Variants in CWC27 observed in about 807,000 individuals in gnomAD.
CWC27 encodes the protein CWC27 spliceosome associated cyclophilin, also known as spliceosome-associated protein CWC27 homolog.
CWC27 carries 47 observed loss-of-function variants against 63.6 expected under a neutral mutation model. The observed-to-expected ratio is 0.74, with a 90% CI of 0.58 to 0.94. CWC27 has a LOEUF of 0.94. Among genes scored for constraint, CWC27 ranks in the 40% least tolerant of loss-of-function variants. The probability of loss-of-function intolerance (pLI) is 0.00; values close to 1 mark genes in which losing one functional copy is unlikely to be tolerated. For synonymous variants in CWC27, 175 were observed against 179.8 expected (o/e 0.97, Z 0.22); for missense variants, 495 against 554.3 (o/e 0.89, Z 1.07).
In CWC27 at chr5:64,769,065, T is replaced by C; in HGVS notation, c.-82T>C. On this transcript the variant is annotated 5_prime_UTR_variant, in exon 1 of 14. Coordinates refer to ENST00000381070, the MANE Select transcript of CWC27 (RefSeq NM_005869.4). ...CTGCACCACTGGACTTAAGGAAGAG[T>C]GTACTCGTAGGCGGACAGCTTTAGT... The C allele has an allele frequency of 8.9e-7, 1 of 1,126,480 alleles. No individual in the cohort carries two copies. The highest frequency in any genetic ancestry group is 1.3e-6 in the Non-Finnish European group (1 of 740,772). 69.8% of individuals were successfully genotyped at this position (1,126,480 alleles called of 1,614,324 possible).
intron 10 of CWC27, among the ~76,000 whole-genome samples, chr5:64,878,481 A>AAAAAAAAAAC (rs1746851630): frequency 7.4e-6 from 1 of 134,690 alleles, no homozygotes; most frequent in East Asian, 2.0e-4. Context: ...AAAAAAAAAA[A>AAAAAAAAAAC]AAAAAAAAAA....
chr5:64,920,141 C>CT (rs112922444), intron 11 of CWC27, among the ~76,000 whole-genome samples: 11,884 of 151,820 alleles, frequency 0.078, 1,518 homozygotes, highest in African/African-American at 0.27. Context: ...AATTTTTGTA[C>CT]TTTTTTTTGT....
chr5:64,986,963 A>G (rs540631665), intron 13 of CWC27, among the ~76,000 whole-genome samples: 1 of 152,312 alleles, frequency 6.6e-6, no homozygotes, highest in East Asian at 1.9e-4. Flanking sequence ...GCAAGGATGA[A>G]TTGATGACTT....
intron 11 of CWC27, among the ~76,000 whole-genome samples, chr5:64,886,561 C>T (rs1049902182): frequency 1.3e-5 from 2 of 152,026 alleles, no homozygotes; most frequent in African/African-American, 4.8e-5. Flanking sequence ...AAAGACTACA[C>T]ATTCTAATAC....
At chr5:64,871,589 AACCTTGCAGTCTTAAGG>A (rs1746676740) in intron 10 of CWC27, among the ~76,000 whole-genome samples, 1 of 152,164 alleles carries the variant, frequency 6.6e-6, no homozygotes, top group African/African-American at 2.4e-5. Context: ...GACCATGAAG[AACCTTGCAGTCTTAAGG>A]AGTTTGGACT....
chr5:64,910,262 T>G (rs1747756437), intron 11 of CWC27, among the ~76,000 whole-genome samples: 1 of 152,218 alleles, frequency 6.6e-6, no homozygotes, highest in South Asian at 2.1e-4. Context: ...CAGCGGAGGC[T>G]GCAGAACAGC....
intron 11 of CWC27, among the ~76,000 whole-genome samples, chr5:64,954,388 A>C (rs1748765278): frequency 6.6e-6 from 1 of 152,120 alleles, no homozygotes; most frequent in Non-Finnish European, 1.5e-5. Flanking sequence ...TCCTGGGCTC[A>C]GGCGATCCTC....
chr5:64,949,124 A>T, intron 11 of CWC27, among the ~76,000 whole-genome samples: 1 of 149,014 alleles, frequency 6.7e-6, no homozygotes, highest in East Asian at 2.0e-4. Flanking sequence ...TTTAGATATG[A>T]TTTTTTTTTT....
intron 10 of CWC27, among the ~76,000 whole-genome samples, chr5:64,857,320 G>A (rs1289556221): frequency 6.6e-6 from 1 of 152,130 alleles, no homozygotes; most frequent in Admixed American, 6.5e-5. Context: ...GCTCAGTCAG[G>A]ATAGCTGTGT....
intron 10 of CWC27, among the ~76,000 whole-genome samples, chr5:64,879,688 T>G (rs1426746634): frequency 1.3e-5 from 2 of 151,740 alleles, no homozygotes; most frequent in Non-Finnish European, 3.0e-5. Flanking sequence ...TAAGTTACTT[T>G]TGAGAGAGCC....
chr5:64,863,375 T>C (rs1371804827), intron 10 of CWC27, among the ~76,000 whole-genome samples: 1 of 152,010 alleles, frequency 6.6e-6, no homozygotes, highest in African/African-American at 2.4e-5. Flanking sequence ...TAAAATACAT[T>C]CAGGTATTTT....
chr5:65,007,352 T>C (rs563968245), intron 13 of CWC27, among the ~76,000 whole-genome samples: 1 of 152,316 alleles, frequency 6.6e-6, no homozygotes, highest in African/African-American at 2.4e-5. Flanking sequence ...TAATATGGTA[T>C]CCTGAATGGG....
At chr5:64,883,252 T>G (rs1746988377) in intron 10 of CWC27, among the ~76,000 whole-genome samples, 1 of 152,124 alleles carries the variant, frequency 6.6e-6, no homozygotes, top group South Asian at 2.1e-4. Flanking sequence ...ACATGGGGAT[T>G]ATGGGAACTA....
At chr5:64,972,875 A>T (rs1749152133) in intron 12 of CWC27, among the ~76,000 whole-genome samples, 1 of 152,208 alleles carries the variant, frequency 6.6e-6, no homozygotes, top group Non-Finnish European at 1.5e-5. Flanking sequence ...TATCAGGGAA[A>T]AGAGCTAAAC....
At chr5:64,840,884 ATTTGAGAGC>A (rs1271036112) in intron 10 of CWC27, among the ~76,000 whole-genome samples, 2 of 152,170 alleles carry the variant, frequency 1.3e-5, no homozygotes, top group Non-Finnish European at 2.9e-5. Context: ...TACCAAAGAA[ATTTGAGAGC>A]TTTGTAAGGG....
intron 10 of CWC27, among the ~76,000 whole-genome samples, chr5:64,807,237 C>T (rs187230076): frequency 6.6e-6 from 1 of 152,160 alleles, no homozygotes; most frequent in Non-Finnish European, 1.5e-5. Context: ...TTACTGAAAA[C>T]GTGTGGTATT....
chr5:64,805,586 A>G lies in CWC27; in HGVS notation c.938+1200A>G, dbSNP rs144217515. Reference sequence around the variant, plus strand: ...AATTTTTTTAAAGGTTAGGTTTATAATGTAACAAAAATATATTTAAAAATT... The same window carrying G: ...AATTTTTTTAAAGGTTAGGTTTATAGTGTAACAAAAATATATTTAAAAATT... On this transcript the variant is annotated intron_variant, in intron 10 of 13. Coordinates refer to ENST00000381070, the MANE Select transcript of CWC27 (RefSeq NM_005869.4). Among the ~76,000 whole-genome samples the G allele has an allele frequency of 1.3e-3, 191 of 151,964 alleles. 1 individual carries two copies. The East Asian group carries it at 0.031, about 25-fold the overall frequency.
chr5:64,928,509 G>A (rs1033416879), intron 11 of CWC27, among the ~76,000 whole-genome samples: 19 of 152,052 alleles, frequency 1.2e-4, no homozygotes, highest in African/African-American at 4.6e-4. Context: ...CTGAGAAAAT[G>A]CCTTTTCAGG....
intron 10 of CWC27, among the ~76,000 whole-genome samples, chr5:64,816,120 C>T (rs1053364439): frequency 6.6e-6 from 1 of 152,126 alleles, no homozygotes; most frequent in African/African-American, 2.4e-5. Context: ...CTCCATAGAG[C>T]TCTAGTCTGC....
Sources: allele counts gnomAD v4.1 joint callset (sites outside exome capture counted in the v4.1 genomes callset), GRCh38; gene constraint gnomAD v4.1.1; transcripts MANE v1.5; gene names NCBI Gene and HGNC (gene_info 2026-07-23, HGNC 2026-07-21).